ASIC2: variants seen among roughly 807,000 people sequenced by gnomAD.
ASIC2 encodes the protein acid-sensing ion channel 2.
ASIC2 carries 25 observed loss-of-function variants against 57.3 expected under a neutral mutation model. That is an observed-to-expected ratio of 0.44 (90% CI 0.32 to 0.61). ASIC2 has a LOEUF of 0.61. ASIC2 is among the 20% of genes least tolerant of loss of function. The pLI is 0.06. For missense variants in ASIC2, 641 were observed against 738.1 expected, an observed-to-expected ratio of 0.87 and a Z score of 1.52; for synonymous variants, 319 against 307.5, an observed-to-expected ratio of 1.04 and a Z score of -0.39.
chr17:33,166,049 G>A (rs1159342783), intron 1 of ASIC2, among the ~76,000 whole-genome samples: 4 of 152,158 alleles, frequency 2.6e-5, no homozygotes, highest in Admixed American at 1.3e-4. Flanking sequence ...GAGACATTAC[G>A]CATGTATGGA....
chr17:33,801,552 A>C lies in ASIC2; in HGVS notation c.555+354426T>G, dbSNP rs368249951. Among the ~76,000 whole-genome samples the C allele has an allele frequency of 7.6e-4, 115 of 152,250 alleles. 4 individuals are homozygous for C. In the South Asian group the frequency reaches 0.023, roughly 31 times the overall value. On this transcript the variant is annotated intron_variant, in intron 1 of 9. Coordinates refer to the ASIC2 transcript ENST00000359872. The stretch of plus-strand genomic sequence containing the variant: ...GACCCTGGGTGAGTTACCATCTTTA[A>C]GCTTCAATCCTCTTCAATAAAACAG...
intron 1 of ASIC2, among the ~76,000 whole-genome samples, chr17:33,784,652 A>G (rs1364815552): frequency 6.6e-6 from 1 of 152,246 alleles, no homozygotes; most frequent in Non-Finnish European, 1.5e-5. Flanking sequence ...AAAATTACTA[A>G]TGAAGATATT....
At chr17:33,396,448 T>C (rs927417025) in intron 1 of ASIC2, among the ~76,000 whole-genome samples, 5 of 152,208 alleles carry the variant, frequency 3.3e-5, no homozygotes, top group Admixed American at 6.5e-5. Flanking sequence ...TGAAGTATTA[T>C]GATTATTTCC....
rs1033986959 is a variant in ASIC2 at position 33,730,851 on chromosome 17, C to A, written c.555+425127G>T. On this transcript the variant is annotated intron_variant, in intron 1 of 9. Coordinates refer to the ASIC2 transcript ENST00000359872. The stretch of plus-strand genomic sequence containing the variant: ...AGATTAAGAAATGTGGACCAAATAT[C>A]AAAGCTGAAAGATATATCCCCCCTG... Among the ~76,000 whole-genome samples, 3 of 152,280 alleles carry A rather than the reference C, an allele frequency of 2.0e-5. No individual in the cohort carries two copies. The East Asian group carries it at 5.8e-4, about 29-fold the overall frequency.
chr17:33,989,519 A>AGAATATACTCTTTTGTGGTAGGCACGC lies in ASIC2; in HGVS notation c.555+166432_555+166458dup, dbSNP rs560842952. Among the ~76,000 whole-genome samples the AGAATATACTCTTTTGTGGTAGGCACGC allele has an allele frequency of 7.9e-3, 1,197 of 152,220 alleles. 7 individuals carry two copies. The highest frequency in any genetic ancestry group is 0.027 in the African/African-American group (1,116 of 41,522). On this transcript the variant is annotated intron_variant, in intron 1 of 9. Transcript: ENST00000359872. ...GCTAAGGAGGCAAACAGGAGTGGAGAGAATATACTCTTTTGTGGTAGGCAC... is the reference window on the plus strand; with the variant it reads ...GCTAAGGAGGCAAACAGGAGTGGAGAGAATATACTCTTTTGTGGTAGGCACGCGAATATACTCTTTTGTGGTAGGCAC...
At chr17:33,613,131 T>C (rs904667617) in intron 1 of ASIC2, among the ~76,000 whole-genome samples, 4 of 152,128 alleles carry the variant, frequency 2.6e-5, no homozygotes, top group Non-Finnish European at 5.9e-5. Flanking sequence ...AATATGTTGT[T>C]TTAGTATATA....
intron 1 of ASIC2, chr17:33,565,662 T>C (rs1172915024): frequency 1.3e-5 from 2 of 152,096 alleles, no homozygotes; most frequent in Non-Finnish European, 2.9e-5. Context: ...CCATTCCCCC[T>C]AACAATGGGA....
chr17:33,764,315 T>TAA (rs575208109), intron 1 of ASIC2, among the ~76,000 whole-genome samples: 16 of 110,998 alleles, frequency 1.4e-4, no homozygotes, highest in East Asian at 7.7e-4. Flanking sequence ...AGACTCTGTC[T>TAA]AAAAAAAAAA....
chr17:33,335,181 A>G (rs1266219566), intron 1 of ASIC2, among the ~76,000 whole-genome samples: 1 of 152,192 alleles, frequency 6.6e-6, no homozygotes, highest in African/African-American at 2.4e-5. Flanking sequence ...GTCCAGGTAA[A>G]ATGATAATTG....
chr17:33,838,662 C>T (rs1913341543), intron 1 of ASIC2, among the ~76,000 whole-genome samples: 1 of 152,076 alleles, frequency 6.6e-6, no homozygotes, highest in South Asian at 2.1e-4. Context: ...CTGTACACAA[C>T]AATAGTTAGA....
At chr17:33,729,345 C>T (rs8073947) in intron 1 of ASIC2, among the ~76,000 whole-genome samples, 26,445 of 152,084 alleles carry the variant, frequency 0.17, 2,878 homozygotes, top group African/African-American at 0.31. Context: ...TAGGATGGCA[C>T]CAAGCTGGTG....
chr17:33,523,906 G>A (rs906854278), intron 1 of ASIC2, among the ~76,000 whole-genome samples: 16 of 152,184 alleles, frequency 1.1e-4, no homozygotes, highest in Admixed American at 9.8e-4. Flanking sequence ...TCTCCATGCA[G>A]TTCTCATCCA....
At chr17:34,098,455 G>A (rs1389457066) in intron 1 of ASIC2, among the ~76,000 whole-genome samples, 1 of 152,184 alleles carries the variant, frequency 6.6e-6, no homozygotes, top group Admixed American at 6.5e-5. Flanking sequence ...CCAGAACAGG[G>A]ATGGAAGGTT....
Position 33,129,127 on chromosome 17 carries a change from T to C in ASIC2, c.709-17060A>G, listed in dbSNP as rs1002193102. ...GGACACAGCTCAGCTGTTCAGAGGC[T>C]ATGTAAAGTGAGTACACCTGTGTGG... On this transcript the variant is annotated intron_variant, in intron 1 of 9. Transcript: ENST00000225823. 3.3e-5 allele frequency among the ~76,000 whole-genome samples: 5 copies of C among 152,262 alleles called. No individual in the cohort carries two copies. In the South Asian group the frequency reaches 8.3e-4, roughly 25 times the overall value.
At chr17:33,803,593 T>C (rs868534475) in intron 1 of ASIC2, among the ~76,000 whole-genome samples, 1,803 of 150,068 alleles carry the variant, frequency 0.012, 40 homozygotes, top group African/African-American at 0.036. Context: ...TTTCTTTTTT[T>C]TTTTTTTTTT....
At chr17:33,159,275 C>T (rs1215197947) in intron 1 of ASIC2, among the ~76,000 whole-genome samples, 1 of 152,182 alleles carries the variant, frequency 6.6e-6, no homozygotes, top group Non-Finnish European at 1.5e-5. Context: ...CATCTATCTC[C>T]CTTCCTAAGG....
rs1204960628 is a variant in ASIC2 at position 33,977,608 on chromosome 17, C to T, written c.555+178370G>A. 2.0e-5 allele frequency among the ~76,000 whole-genome samples: 3 copies of T among 152,206 alleles called. No individual in the cohort carries two copies. In the East Asian group the frequency reaches 5.8e-4, roughly 29 times the overall value. On this transcript the variant is annotated intron_variant, in intron 1 of 9. Transcript: ENST00000359872. The stretch of plus-strand genomic sequence containing the variant: ...GTTTTTCTATCCTCGATAACCATGG[C>T]ATTTTTCTGTAGGATTTTCCTTTCA...
intron 1 of ASIC2, among the ~76,000 whole-genome samples, chr17:33,354,021 C>A (rs765981598): frequency 6.6e-6 from 1 of 152,122 alleles, no homozygotes; most frequent in Non-Finnish European, 1.5e-5. Context: ...AAAAGAGGAG[C>A]AAAGGCATGT....
intron 1 of ASIC2, among the ~76,000 whole-genome samples, chr17:33,370,830 G>T (rs1367691073): frequency 6.6e-6 from 1 of 152,184 alleles, no homozygotes; most frequent in Non-Finnish European, 1.5e-5. Context: ...CCGGAAAGGG[G>T]TCCCGATCCA....
Sources: gnomAD v4.1 joint callset for allele counts (sites outside exome capture counted in the v4.1 genomes callset) on GRCh38, gnomAD v4.1.1 for gene constraint, MANE v1.5 for transcripts, NCBI Gene and HGNC (gene_info 2026-07-23, HGNC 2026-07-21) for gene names.